PAQR5: variants seen among roughly 807,000 people sequenced by gnomAD.
PAQR5 encodes membrane progestin receptor gamma.
PAQR5 carries 20 observed loss-of-function variants against 34.5 expected under a neutral mutation model. The observed-to-expected ratio is 0.58, with a 90% CI of 0.41 to 0.84. PAQR5 has a LOEUF of 0.84. Among genes scored for constraint, PAQR5 ranks in the 40% least tolerant of loss-of-function variants. The pLI is 0.00. For missense variants in PAQR5, 378 were observed against 412.7 expected, an observed-to-expected ratio of 0.92 and a Z score of 0.73; for synonymous variants, 131 against 155.6, an observed-to-expected ratio of 0.84 and a Z score of 1.18.
At chr15:69,327,135 C>T (rs903745792) in intron 1 of PAQR5, among the ~76,000 whole-genome samples, 5 of 151,768 alleles carry the variant, frequency 3.3e-5, no homozygotes, top group African/African-American at 1.2e-4. Flanking sequence ...CAGGCATGCA[C>T]CACCACACTT....
In PAQR5 at chr15:69,300,873, C is replaced by CGT. The variant is rs1566986314; in HGVS notation, c.-277+1817_-277+1818insGT. Among the ~76,000 whole-genome samples, 3 of 24,052 alleles carry CGT rather than the reference C, an allele frequency of 1.2e-4. 1 individual carries two copies. The highest frequency in any genetic ancestry group is 5.7e-4 in the Admixed American group (1 of 1,758). 15.8% of individuals were successfully genotyped at this position (24,052 alleles called of 152,430 possible). On this transcript the variant is annotated intron_variant, in intron 1 of 8. Coordinates refer to ENST00000395407, the MANE Select transcript of PAQR5 (RefSeq NM_017705.4). ...TCTTTCTTTCTTTCTTTCTTTCTTT[C>CGT]TTTCTTTCTTTCTTTCTTTCTTCCT... is the stretch of plus-strand genomic sequence containing the variant.
intron 8 of PAQR5, among the ~76,000 whole-genome samples, chr15:69,401,781 T>C (rs1329074077): frequency 6.6e-6 from 1 of 152,184 alleles, no homozygotes; most frequent in African/African-American, 2.4e-5. Context: ...CCCTCTCTGC[T>C]CCTGCTCAAT....
At chr15:69,323,847 C>T (rs189566407) in intron 1 of PAQR5, among the ~76,000 whole-genome samples, 23 of 151,304 alleles carry the variant, frequency 1.5e-4, no homozygotes, top group Non-Finnish European at 3.1e-4. Flanking sequence ...TTTATATAGA[C>T]AGTATTACGA....
At chr15:69,394,508 C>T (rs1230398553) in intron 6 of PAQR5, among the ~76,000 whole-genome samples, 3 of 152,248 alleles carry the variant, frequency 2.0e-5, no homozygotes, top group African/African-American at 7.2e-5. Flanking sequence ...TTTCCAAAGG[C>T]CCGCTAGTTT....
chr15:69,399,938 C>A, intron 7 of PAQR5, 36 bp from the exon 8 acceptor site: 1 of 1,599,634 alleles, frequency 6.3e-7, no homozygotes, highest in Non-Finnish European at 8.5e-7. Context: ...TCAGGCCTGT[C>A]CTCTCAAGAC....
intron 1 of PAQR5, among the ~76,000 whole-genome samples, chr15:69,329,755 G>C (rs1007768169): frequency 6.6e-6 from 1 of 152,032 alleles, no homozygotes; most frequent in Non-Finnish European, 1.5e-5. Context: ...AAGGTGCTAG[G>C]AGTATAGGAA....
chr15:69,345,598 T>C (rs1395421699), intron 2 of PAQR5, among the ~76,000 whole-genome samples: 1 of 152,220 alleles, frequency 6.6e-6, no homozygotes, highest in Non-Finnish European at 1.5e-5. Context: ...TTGCTGTTGA[T>C]TTGCCTGTTT....
chr15:69,385,600 C>A lies in PAQR5; in HGVS notation c.385+718C>A, dbSNP rs2056083467. On this transcript the variant is annotated intron_variant, in intron 5 of 8. Transcript: ENST00000395407. This position sits in a 1 kb window ranked among gnomAD's most constrained non-coding sequence, Gnocchi z 4.7. ...GCCTCTTCTCTCCTCCCCTTGTGGG[C>A]ATGCATCTATCCCTAAGGATATGAG... is the stretch of plus-strand genomic sequence containing the variant. 6.6e-6 allele frequency among the ~76,000 whole-genome samples: 1 copy of A among 152,146 alleles called. No individual in the cohort carries two copies. The highest frequency in any genetic ancestry group is 1.9e-4 in the East Asian group (1 of 5,200).
intron 1 of PAQR5, chr15:69,314,935 T>C: frequency 6.5e-6 from 1 of 154,914 alleles, no homozygotes; most frequent in Non-Finnish European, 1.4e-5. Flanking sequence ...GGGCTGTGTC[T>C]GATTGTGCCT....
intron 3 of PAQR5, among the ~76,000 whole-genome samples, chr15:69,363,541 TTGTTTTTG>T (rs1436168826): frequency 1.9e-4 from 2 of 10,678 alleles, no homozygotes; most frequent in South Asian, 0.016. Flanking sequence ...AATCTGTTTT[TTGTTTTTG>T]TTTTTTTTTT....
rs749598249 is a variant in PAQR5, at chr15:69,389,687, C to T, written c.419C>T (p.Pro140Leu). Reference sequence around the variant, plus strand: ...ATTGCCTACTCTGCATACACGTTCCCGGATGCGCTCATGTGCACCACTTTC... The same window carrying T: ...ATTGCCTACTCTGCATACACGTTCCTGGATGCGCTCATGTGCACCACTTTC... ...SAIAYSAYTF[P>L]DALMCTTFHD... Residue 140 changes from proline to leucine, a missense_variant, in exon 6 of 9, where the codon CCG (proline) becomes CTG (leucine). Physicochemically the swap from Pro to Leu is moderately conservative, Grantham distance 98. Coordinates refer to ENST00000395407, the MANE Select transcript of PAQR5 (RefSeq NM_017705.4). 3.6e-5 allele frequency: 58 copies of T among 1,614,080 alleles called. No homozygotes were observed. Among genetic ancestry groups the T allele is most frequent in the East Asian group, 4.5e-5 (2 of 44,898 alleles).
intron 6 of PAQR5, chr15:69,396,810 CTCTCT>C: frequency 7.4e-6 from 2 of 271,010 alleles, no homozygotes; most frequent in Admixed American, 1.0e-4. Flanking sequence ...GGGGACCTGC[CTCTCT>C]TCTCAACAAT....
intron 2 of PAQR5, among the ~76,000 whole-genome samples, chr15:69,355,347 TCTTTCTTTCTTTCTTTC>T (rs2055044267): frequency 8.0e-5 from 2 of 25,110 alleles, no homozygotes; most frequent in Non-Finnish European, 1.9e-4. Flanking sequence ...TTTCTTTTTT[TCTTTCTTTCTTTCTTTC>T]TTTCTTTCTT....
chr15:69,311,705 A>G (rs2053837891), intron 1 of PAQR5, among the ~76,000 whole-genome samples: 1 of 152,066 alleles, frequency 6.6e-6, no homozygotes, highest in East Asian at 1.9e-4. Context: ...TCCCGTTGAA[A>G]CCCAATAAAG....
chr15:69,342,050 A>G (rs1464360965), intron 2 of PAQR5, among the ~76,000 whole-genome samples: 1 of 152,104 alleles, frequency 6.6e-6, no homozygotes, highest in Non-Finnish European at 1.5e-5. Flanking sequence ...ACTGTTTTCC[A>G]TAGCTATTGC....
chr15:69,334,578 T>A (rs1023540833), intron 1 of PAQR5, among the ~76,000 whole-genome samples: 1 of 152,180 alleles, frequency 6.6e-6, no homozygotes, highest in Non-Finnish European at 1.5e-5. Flanking sequence ...TTCTGATTGA[T>A]GTCCTAGGCT....
chr15:69,393,186 C>A (rs1337205230), intron 6 of PAQR5, among the ~76,000 whole-genome samples: 1 of 152,088 alleles, frequency 6.6e-6, no homozygotes, highest in Non-Finnish European at 1.5e-5. Context: ...GGCATGTGGC[C>A]CTTCCAGTGC....
At chr15:69,368,551 T>C (rs1033534284) in intron 3 of PAQR5, among the ~76,000 whole-genome samples, 23 of 152,210 alleles carry the variant, frequency 1.5e-4, no homozygotes, top group African/African-American at 5.5e-4. Flanking sequence ...AAATAGCACA[T>C]CAAAACCATT....
At chr15:69,339,090 A>T (rs560714241) in intron 2 of PAQR5, among the ~76,000 whole-genome samples, 14 of 151,218 alleles carry the variant, frequency 9.3e-5, no homozygotes, top group Non-Finnish European at 1.9e-4. Context: ...CCACCCAGGA[A>T]CTGAGTCAGC....
Sources: allele counts gnomAD v4.1 joint callset (sites outside exome capture counted in the v4.1 genomes callset), GRCh38; gene constraint gnomAD v4.1.1; non-coding constraint Gnocchi (gnomAD v3.1); transcripts MANE v1.5; gene names NCBI Gene and HGNC (gene_info 2026-07-23, HGNC 2026-07-21).